The following HACE1 variants were observed in gnomAD, a reference collection of about 807,000 sequenced individuals.
HACE1 encodes HECT domain and ankyrin repeat containing E3 ubiquitin protein ligase 1.
A neutral mutation model predicts 118.4 loss-of-function variants in HACE1; 73 were observed. That is an observed-to-expected ratio of 0.62 (90% confidence interval 0.51 to 0.75). HACE1 has a LOEUF of 0.75. Among genes scored for constraint, HACE1 ranks in the 30% least tolerant of loss-of-function variants. The pLI, the probability that HACE1 is intolerant of heterozygous loss-of-function variation, is 0.00. For missense variants in HACE1, 749 were observed against 1,102.2 expected, an observed-to-expected ratio of 0.68 and a Z score of 4.54; for synonymous variants, 368 against 374.8, an observed-to-expected ratio of 0.98 and a Z score of 0.21.
intron 3 of HACE1, among the ~76,000 whole-genome samples, chr6:104,849,504 A>ATT (rs11380259): frequency 0.011 from 1,526 of 137,266 alleles, 15 homozygotes; most frequent in African/African-American, 0.024. Flanking sequence ...CAATTGGGTA[A>ATT]TTTTTTTTTT....
rs1562471355 is a variant in HACE1 at position 104,831,986 on chromosome 6, GGAAGGAAGGA to G, written c.534+1046_534+1055del. On this transcript the variant is annotated intron_variant, in intron 6 of 23. Transcript: ENST00000262903. ...AAGAGAAGAGAAGAGAAGAGAGGAA[GGAAGGAAGGA>G]AGGAAGGAAGGAAGGAAGGAAGGAA... is the stretch of plus-strand genomic sequence containing the variant. 3.7e-4 allele frequency among the ~76,000 whole-genome samples: 14 copies of G among 37,438 alleles called. No individual in the cohort carries two copies. The East Asian group carries it at 3.8e-3, about 10-fold the overall frequency. 24.6% of individuals were successfully genotyped at this position (37,438 alleles called of 152,430 possible).
intron 11 of HACE1, chr6:104,786,204 G>A (rs1782373806): frequency 6.6e-6 from 1 of 151,778 alleles, no homozygotes; most frequent in African/African-American, 2.4e-5. Context: ...AGCCAGACAT[G>A]GTGGCACACA....
intron 22 of HACE1, among the ~76,000 whole-genome samples, chr6:104,734,355 T>C (rs899488780): frequency 4.6e-5 from 7 of 152,052 alleles, no homozygotes; most frequent in Non-Finnish European, 8.8e-5. Context: ...TACAGACCTG[T>C]AGAAAGATAC....
intron 10 of HACE1, among the ~76,000 whole-genome samples, chr6:104,791,943 C>A (rs1483075567): frequency 6.6e-6 from 1 of 152,274 alleles, no homozygotes; most frequent in East Asian, 1.9e-4. Flanking sequence ...CTTGTGGCAA[C>A]AACTTCAAGG....
At chr6:104,840,490 A>G (rs1442401243) in intron 5 of HACE1, among the ~76,000 whole-genome samples, 1 of 152,192 alleles carries the variant, frequency 6.6e-6, no homozygotes, top group Non-Finnish European at 1.5e-5. Flanking sequence ...AGTAGCATTT[A>G]GCATGCTATT....
chr6:104,757,195 G>C (rs1479878266), intron 19 of HACE1, among the ~76,000 whole-genome samples: 1 of 152,212 alleles, frequency 6.6e-6, no homozygotes, highest in African/African-American at 2.4e-5. Context: ...CTGCCTGACA[G>C]CTCTGAAGAG....
chr6:104,787,192 A>T (rs1342783375), intron 11 of HACE1: 1 of 152,242 alleles, frequency 6.6e-6, no homozygotes, highest in East Asian at 1.9e-4. Context: ...TCACTCACTC[A>T]ACCAGTACTA....
chr6:104,778,630 C>CA (rs549972238), intron 14 of HACE1, among the ~76,000 whole-genome samples: 15,382 of 139,636 alleles, frequency 0.11, 803 homozygotes, highest in Admixed American at 0.16. Context: ...CTGTCTCTAC[C>CA]AAAAAAAAAA....
intron 5 of HACE1, among the ~76,000 whole-genome samples, chr6:104,838,773 G>C (rs1300765213): frequency 6.7e-6 from 1 of 149,680 alleles, no homozygotes; most frequent in African/African-American, 2.5e-5. Context: ...GCACAGGAAA[G>C]GAAAAAATCA....
At position 104,728,811 on chromosome 6, in the gene HACE1, A is replaced by G. The variant is rs1774906269; in HGVS notation, c.*851T>C. The G allele has an allele frequency of 6.6e-6, 1 of 152,206 alleles. No homozygotes were observed. The highest frequency in any genetic ancestry group is 2.1e-4 in the South Asian group (1 of 4,830). The allele number at this position is 152,206 out of a possible 1,614,324, so 9.4% of individuals were successfully genotyped here. ...CTTGAACTTGACATTTTAATGATGAAAAGCAAATTTAAGAAGCAAAAAAAT... is the reference window on the plus strand; with the variant it reads ...CTTGAACTTGACATTTTAATGATGAGAAGCAAATTTAAGAAGCAAAAAAAT... On this transcript the variant is annotated 3_prime_UTR_variant, in exon 24 of 24. Transcript: ENST00000262903.
intron 19 of HACE1, among the ~76,000 whole-genome samples, chr6:104,752,411 TCTCA>T: frequency 6.6e-6 from 1 of 152,254 alleles, no homozygotes; most frequent in South Asian, 2.1e-4. Context: ...TTATGTCTAC[TCTCA>T]CTAAAATTGT....
chr6:104,747,124 A>G (rs773253866), intron 20 of HACE1, among the ~76,000 whole-genome samples: 1 of 152,134 alleles, frequency 6.6e-6, no homozygotes, highest in East Asian at 1.9e-4. Flanking sequence ...TTTAAGCCCC[A>G]ATCAATTTTT....
chr6:104,808,906 A>G (rs1332883158), intron 7 of HACE1, among the ~76,000 whole-genome samples: 2 of 152,210 alleles, frequency 1.3e-5, no homozygotes. Context: ...GACTTGCTTA[A>G]CCATCTTTGT....
At chr6:104,781,974 G>A (rs1203586436) in intron 14 of HACE1, among the ~76,000 whole-genome samples, 2 of 151,970 alleles carry the variant, frequency 1.3e-5, no homozygotes, top group African/African-American at 4.8e-5. Flanking sequence ...GGAATAGAAA[G>A]TAAAAAGCAG....
At chr6:104,812,342 A>G (rs1434440198) in intron 6 of HACE1, among the ~76,000 whole-genome samples, 1 of 152,122 alleles carries the variant, frequency 6.6e-6, no homozygotes, top group Non-Finnish European at 1.5e-5. Context: ...GCTACTCAGG[A>G]GGCTGAGGTG....
At chr6:104,737,486 C>T (rs1410465914) in intron 22 of HACE1, among the ~76,000 whole-genome samples, 5 of 152,012 alleles carry the variant, frequency 3.3e-5, no homozygotes, top group East Asian at 1.9e-4. Context: ...GTGCGCGAGC[C>T]GAAGCAGGGC....
At chr6:104,783,191 G>A (rs1474925362) in intron 14 of HACE1, among the ~76,000 whole-genome samples, 2 of 152,090 alleles carry the variant, frequency 1.3e-5, no homozygotes, top group Non-Finnish European at 2.9e-5. Flanking sequence ...CCATCAAAAT[G>A]TTGCATATTT....
chr6:104,792,935 G>A (rs1400398049), intron 10 of HACE1, among the ~76,000 whole-genome samples: 1 of 152,148 alleles, frequency 6.6e-6, no homozygotes, highest in Admixed American at 6.6e-5. Flanking sequence ...TTGCTCATTA[G>A]AAGCACGGAG....
At chr6:104,792,090 A>G (rs1261092740) in intron 10 of HACE1, among the ~76,000 whole-genome samples, 1 of 152,200 alleles carries the variant, frequency 6.6e-6, no homozygotes, top group Non-Finnish European at 1.5e-5. Flanking sequence ...CGAAGAAGCT[A>G]AACTAAACTC....
Sources: gnomAD v4.1 joint callset for allele counts (sites outside exome capture counted in the v4.1 genomes callset) on GRCh38, gnomAD v4.1.1 for gene constraint, MANE v1.5 for transcripts, NCBI Gene and HGNC (gene_info 2026-07-23, HGNC 2026-07-21) for gene names.